WWC2: variants seen among roughly 807,000 people sequenced by gnomAD.
The protein encoded by WWC2 is protein WWC2.
A neutral mutation model predicts 138.5 loss-of-function variants in WWC2; 101 were observed. That is an observed-to-expected ratio of 0.73 (90% CI 0.62 to 0.86). WWC2 has a LOEUF of 0.86. WWC2 is among the 40% of genes least tolerant of loss of function. WWC2 has a pLI of 0.00. For missense variants in WWC2, 1,420 were observed against 1,419.4 expected (o/e 1.00, Z -0.01); for synonymous variants, 558 against 538.4 (o/e 1.04, Z -0.50).
chr4:183,131,890 T>C (rs983745500), intron 1 of WWC2, among the ~76,000 whole-genome samples: 7 of 152,200 alleles, frequency 4.6e-5, no homozygotes, highest in Non-Finnish European at 1.0e-4. Context: ...TTCTCCTGTA[T>C]GTCTAACTTG....
chr4:183,268,830 C>G, intron 14 of WWC2, 141 bp from the exon 15 acceptor site: 1 of 951,156 alleles, frequency 1.1e-6, no homozygotes, highest in Non-Finnish European at 1.6e-6. Flanking sequence ...AGCACGGACC[C>G]GTGATGGCAG....
At chr4:183,138,984 C>G (rs889389445) in intron 1 of WWC2, among the ~76,000 whole-genome samples, 1 of 152,150 alleles carries the variant, frequency 6.6e-6, no homozygotes, top group Non-Finnish European at 1.5e-5. Context: ...TACTCTGCAT[C>G]TTGAATTCTA....
At chr4:183,153,189 G>A (rs767632490) in intron 1 of WWC2, among the ~76,000 whole-genome samples, 2 of 152,218 alleles carry the variant, frequency 1.3e-5, no homozygotes, top group Non-Finnish European at 2.9e-5. Context: ...GCAGGTGTGA[G>A]CCACTGCACA....
chr4:183,183,895 C>A (rs1237127734), intron 1 of WWC2, among the ~76,000 whole-genome samples: 1 of 151,934 alleles, frequency 6.6e-6, no homozygotes, highest in African/African-American at 2.4e-5. Flanking sequence ...TTAACATTTT[C>A]CCATGTTTTT....
intron 1 of WWC2, among the ~76,000 whole-genome samples, chr4:183,137,133 T>G (rs1393001121): frequency 6.6e-6 from 1 of 152,204 alleles, no homozygotes; most frequent in Non-Finnish European, 1.5e-5. Context: ...TCAACATTAC[T>G]GTACACTACT....
intron 21 of WWC2, among the ~76,000 whole-genome samples, chr4:183,305,160 A>G (rs1157021421): frequency 1.3e-5 from 2 of 152,212 alleles, no homozygotes; most frequent in African/African-American, 4.8e-5. Context: ...GACTAAAGAA[A>G]GAATATCTGA....
intron 4 of WWC2, among the ~76,000 whole-genome samples, chr4:183,210,091 A>G (rs1735554277): frequency 6.6e-6 from 1 of 152,186 alleles, no homozygotes; most frequent in African/African-American, 2.4e-5. Flanking sequence ...TGTACATACC[A>G]TAAATTCTTT....
chr4:183,099,736 C>T (rs1315754964), intron 1 of WWC2, 114 bp downstream of exon 1: 2 of 1,058,320 alleles, frequency 1.9e-6, no homozygotes, highest in Non-Finnish European at 2.3e-6. Flanking sequence ...CGAGGGGTCC[C>T]GGGAGGGATG....
intron 21 of WWC2, among the ~76,000 whole-genome samples, chr4:183,294,107 A>G (rs940417172): frequency 6.6e-6 from 1 of 152,194 alleles, no homozygotes; most frequent in Non-Finnish European, 1.5e-5. Context: ...CAGCTCTGCC[A>G]TAGATAAAAT....
chr4:183,156,970 G>T (rs573446296), intron 1 of WWC2, among the ~76,000 whole-genome samples: 1 of 152,188 alleles, frequency 6.6e-6, no homozygotes, highest in East Asian at 1.9e-4. Flanking sequence ...CTGTGTTAGA[G>T]TAAATTGCAG....
chr4:183,285,914 C>A, intron 19 of WWC2, 53 bp from the exon 20 acceptor site: 1 of 1,500,872 alleles, frequency 6.7e-7, no homozygotes, highest in Non-Finnish European at 9.1e-7. Flanking sequence ...CAAACTTCCA[C>A]TTGCACTCTG....
chr4:183,207,974 C>T lies in WWC2; in HGVS notation c.263C>T (p.Pro88Leu), dbSNP rs1735489460. 2 of 1,610,752 alleles carry T rather than the reference C, an allele frequency of 1.2e-6. No individual in the cohort carries two copies. Among genetic ancestry groups the T allele is most frequent in the Non-Finnish European group, 1.7e-6 (2 of 1,178,554 alleles). The change falls in exon 3 of 23, where the codon CCA (proline) becomes CTA (leucine). Residue 88 changes from proline (P) to leucine (L), a missense_variant. Physicochemically the swap from Pro to Leu is moderately conservative, Grantham distance 98. Coordinates refer to ENST00000403733, the MANE Select transcript of WWC2 (RefSeq NM_024949.6). ...TCAGAAACCACGCAGATAGAAGATC[C>T]AAGAAAACAATGGAGGGGGGAACAG... ...HINKTTQIED[P>L]RKQWRGEQEK...
At chr4:183,298,042 G>A (rs530841951) in intron 21 of WWC2, among the ~76,000 whole-genome samples, 30 of 152,346 alleles carry the variant, frequency 2.0e-4, no homozygotes, top group African/African-American at 7.0e-4. Context: ...GTTGATGACT[G>A]CAAGGGCATT....
At chr4:183,206,484 C>G (rs145195768) in intron 2 of WWC2, among the ~76,000 whole-genome samples, 147 of 152,288 alleles carry the variant, frequency 9.7e-4, no homozygotes, top group African/African-American at 3.2e-3. Flanking sequence ...AACTATTCCA[C>G]TTTTATTTTA....
rs55750701 is a variant in WWC2 at position 183,306,881 on chromosome 4, CAAA to C, written c.3385-5446_3385-5444del. ...CTAACAGCACCAACTATATATGAGGCAAAAAAAAAAAAAAAACTACAAGGAGAA... is the reference window on the plus strand; with the variant it reads ...CTAACAGCACCAACTATATATGAGGCAAAAAAAAAAAAACTACAAGGAGAA... On this transcript the variant is annotated intron_variant, in intron 21 of 22. Transcript: ENST00000403733. Among the ~76,000 whole-genome samples, 100 of 85,108 alleles carry C rather than the reference CAAA, an allele frequency of 1.2e-3. 5 individuals are homozygous for C. The highest frequency in any genetic ancestry group is 3.7e-3 in the African/African-American group (83 of 22,158). 55.8% of individuals were successfully genotyped at this position (85,108 alleles called of 152,430 possible).
At chr4:183,248,171 G>A (rs1736857734) in intron 6 of WWC2, among the ~76,000 whole-genome samples, 1 of 152,160 alleles carries the variant, frequency 6.6e-6, no homozygotes, top group South Asian at 2.1e-4. Context: ...AGATGGGCTT[G>A]TTCCATGCCT....
chr4:183,145,030 T>G (rs1329830401), intron 1 of WWC2, among the ~76,000 whole-genome samples: 1 of 152,208 alleles, frequency 6.6e-6, no homozygotes, highest in Non-Finnish European at 1.5e-5. Context: ...TCCCGGTGCT[T>G]CTTTAGAGTG....
chr4:183,291,555 T>C (rs941109535), intron 21 of WWC2, among the ~76,000 whole-genome samples: 2 of 152,250 alleles, frequency 1.3e-5, no homozygotes, highest in East Asian at 3.8e-4. Flanking sequence ...TTGACTGTTA[T>C]GGGTCAAAGC....
At chr4:183,239,379 T>G (rs370351508) in intron 4 of WWC2, among the ~76,000 whole-genome samples, 85 of 152,314 alleles carry the variant, frequency 5.6e-4, no homozygotes, top group African/African-American at 1.9e-3. Context: ...GAAGTAAGTT[T>G]CTAACCCTTG....
Sources: allele counts gnomAD v4.1 joint callset (sites outside exome capture counted in the v4.1 genomes callset), GRCh38; gene constraint gnomAD v4.1.1; transcripts MANE v1.5; gene names NCBI Gene and HGNC (gene_info 2026-07-23, HGNC 2026-07-21).